Variants in ASIC2 observed in about 807,000 individuals in gnomAD.
The protein encoded by ASIC2 is acid sensing ion channel subunit 2, also known as acid-sensing ion channel 2.
In ASIC2, 25 loss-of-function variants were observed where a neutral mutation model predicts 57.3. The observed-to-expected ratio is 0.44, with a 90% CI of 0.32 to 0.61. The LOEUF (loss-of-function observed/expected upper bound fraction) is 0.61, where lower values mean the gene tolerates loss of function less well. Among genes scored for constraint, ASIC2 ranks in the 20% least tolerant of loss-of-function variants. The pLI, the probability that ASIC2 is intolerant of heterozygous loss-of-function variation, is 0.06. For synonymous variants in ASIC2, 319 were observed against 307.5 expected (o/e 1.04, Z -0.39); for missense variants, 641 against 738.1 (o/e 0.87, Z 1.52).
intron 1 of ASIC2, among the ~76,000 whole-genome samples, chr17:33,255,387 G>A (rs1434744938): frequency 6.6e-6 from 1 of 151,754 alleles, no homozygotes; most frequent in Non-Finnish European, 1.5e-5. Flanking sequence ...TAAAGAAACT[G>A]GAAAAAAAGA....
At chr17:33,408,271 T>C (rs8075057) in intron 1 of ASIC2, among the ~76,000 whole-genome samples, 49,416 of 152,060 alleles carry the variant, frequency 0.32, 8,670 homozygotes, top group African/African-American at 0.45. Flanking sequence ...TGATTTTCAC[T>C]CCCCAACAAA....
intron 1 of ASIC2, chr17:34,005,479 G>A (rs529657864): frequency 7.3e-6 from 1 of 136,528 alleles, no homozygotes; most frequent in Non-Finnish European, 1.5e-5. Flanking sequence ...CTTTAGGATA[G>A]TGTTGAGTCT....
intron 1 of ASIC2, among the ~76,000 whole-genome samples, chr17:33,809,515 TG>T (rs1360644652): frequency 6.6e-6 from 1 of 152,206 alleles, no homozygotes; most frequent in Non-Finnish European, 1.5e-5. Context: ...TAAGAAGACA[TG>T]GATATGAAAA....
intron 1 of ASIC2, among the ~76,000 whole-genome samples, chr17:33,948,245 G>A (rs1173991865): frequency 6.6e-6 from 1 of 152,222 alleles, no homozygotes. Context: ...ACCTCATTCT[G>A]CAAAGACAAA....
At chr17:34,019,540 A>C (rs570879233) in intron 1 of ASIC2, among the ~76,000 whole-genome samples, 3 of 152,364 alleles carry the variant, frequency 2.0e-5, no homozygotes, top group African/African-American at 7.2e-5. Context: ...CTCCACCAGC[A>C]AAAAGATTAT....
At position 33,573,072 on chromosome 17, in the gene ASIC2, A is replaced by G. The variant is rs376926869; in HGVS notation, c.556-461005T>C. 9.2e-5 allele frequency among the ~76,000 whole-genome samples: 14 copies of G among 152,344 alleles called. No homozygotes were observed. The East Asian group carries it at 2.3e-3, about 25-fold the overall frequency. Reference sequence around the variant, plus strand: ...AAACTATGGTCTTCCCAAAACGCACAGGTGCCAATCTTCAGAGGGGCCACA... The same window carrying G: ...AAACTATGGTCTTCCCAAAACGCACGGGTGCCAATCTTCAGAGGGGCCACA... On this transcript the variant is annotated intron_variant, in intron 1 of 9. Transcript: ENST00000359872.
At chr17:33,370,902 AAAGCAAGTTT>A in intron 1 of ASIC2, among the ~76,000 whole-genome samples, 1 of 152,352 alleles carries the variant, frequency 6.6e-6, no homozygotes, top group East Asian at 1.9e-4. Flanking sequence ...GTGCAAAGCG[AAAGCAAGTTT>A]ATTAAGAAAA....
At chr17:33,838,424 T>C (rs957696505) in intron 1 of ASIC2, among the ~76,000 whole-genome samples, 5 of 152,156 alleles carry the variant, frequency 3.3e-5, no homozygotes, top group African/African-American at 1.2e-4. Flanking sequence ...CCTGAATAGT[T>C]TTCCTAGTCA....
At chr17:33,413,045 T>G (rs1481008198) in intron 1 of ASIC2, among the ~76,000 whole-genome samples, 1 of 152,192 alleles carries the variant, frequency 6.6e-6, no homozygotes, top group Admixed American at 6.5e-5. Context: ...GGCACTTGGC[T>G]TCTGAGGACT....
chr17:33,769,851 T>C (rs1413314904), intron 1 of ASIC2, among the ~76,000 whole-genome samples: 1 of 152,218 alleles, frequency 6.6e-6, no homozygotes, highest in African/African-American at 2.4e-5. Context: ...CACTGTGTCC[T>C]CACATGGTGA....
At chr17:33,268,355 ATCC>A (rs1567804672) in intron 1 of ASIC2, among the ~76,000 whole-genome samples, 1 of 149,742 alleles carries the variant, frequency 6.7e-6, no homozygotes, top group Non-Finnish European at 1.5e-5. Context: ...CCATCCATCC[ATCC>A]ATCCATCCAT....
chr17:33,866,896 A>G (rs978011353), intron 1 of ASIC2, among the ~76,000 whole-genome samples: 3 of 152,218 alleles, frequency 2.0e-5, no homozygotes, highest in Non-Finnish European at 2.9e-5. Context: ...AAGACCCTAG[A>G]CTTAAAGAAG....
intron 1 of ASIC2, among the ~76,000 whole-genome samples, chr17:33,436,878 T>TTTTTTG (rs1911637010): frequency 7.6e-6 from 1 of 130,856 alleles, no homozygotes; most frequent in Non-Finnish European, 1.6e-5. Flanking sequence ...TTTTTTTTTT[T>TTTTTTG]TTTTTGAGAC....
chr17:33,477,382 A>G (rs11870839), intron 1 of ASIC2, among the ~76,000 whole-genome samples: 18,535 of 152,230 alleles, frequency 0.12, 1,337 homozygotes, highest in African/African-American at 0.19. Context: ...ATAGCCCTGA[A>G]TCAGTGAGGT....
chr17:34,025,666 A>G lies in ASIC2; in HGVS notation c.555+130312T>C, dbSNP rs371435548. Among the ~76,000 whole-genome samples, 11 of 152,368 alleles carry G rather than the reference A, an allele frequency of 7.2e-5. No homozygotes were observed. The South Asian group carries it at 2.1e-3, about 29-fold the overall frequency. The stretch of plus-strand genomic sequence containing the variant: ...TAAGACAGCACAAAGCCAATGTAAT[A>G]GCAGGTTAGGATCGGATTTTAGTTT... On this transcript the variant is annotated intron_variant, in intron 1 of 9. Coordinates refer to the ASIC2 transcript ENST00000359872.
At chr17:33,469,236 T>C (rs1430854757) in intron 1 of ASIC2, among the ~76,000 whole-genome samples, 1 of 152,108 alleles carries the variant, frequency 6.6e-6, no homozygotes, top group Non-Finnish European at 1.5e-5. Context: ...TCGAGACCCA[T>C]GGAGCACAGA....
At chr17:33,742,996 A>G (rs1012178050) in intron 1 of ASIC2, among the ~76,000 whole-genome samples, 7 of 152,156 alleles carry the variant, frequency 4.6e-5, no homozygotes, top group African/African-American at 1.4e-4. Flanking sequence ...TAACTTGCCT[A>G]TCTCCTGTCA....
intron 1 of ASIC2, among the ~76,000 whole-genome samples, chr17:33,144,433 C>T (rs542456903): frequency 6.6e-6 from 1 of 152,194 alleles, no homozygotes; most frequent in East Asian, 1.9e-4. Flanking sequence ...GTCCCTACAG[C>T]ACTCCATCCT....
rs760310669 is a variant in ASIC2 at position 33,516,409 on chromosome 17, T to TGTGTGA, written c.556-404343_556-404342insTCACAC. Among the ~76,000 whole-genome samples, 1,160 of 147,544 alleles carry TGTGTGA rather than the reference T, an allele frequency of 7.9e-3. 11 individuals carry two copies. The highest frequency in any genetic ancestry group is 0.025 in the African/African-American group (985 of 38,942). On this transcript the variant is annotated intron_variant, in intron 1 of 9. Transcript: ENST00000359872. ...TTGTAAGTGTGTTTGTGAGTGTGAG[T>TGTGTGA]GTGTGTGTGTGTGTGTGTGTATGGA...
Sources: gnomAD v4.1 joint callset for allele counts (sites outside exome capture counted in the v4.1 genomes callset) on GRCh38, gnomAD v4.1.1 for gene constraint, MANE v1.5 for transcripts, NCBI Gene and HGNC (gene_info 2026-07-23, HGNC 2026-07-21) for gene names.